The following ANK1 variants were observed in gnomAD, a reference collection of about 807,000 sequenced individuals.
ANK1 encodes ankyrin 1.
Under a neutral mutation model 210.4 loss-of-function variants are expected in ANK1, and 51 were observed. The ratio of observed to expected loss-of-function variants is 0.24; its 90% CI spans 0.19 to 0.31. The LOEUF (loss-of-function observed/expected upper bound fraction) is 0.31, where lower values mean the gene tolerates loss of function less well. Ranked by LOEUF, ANK1 falls within the 10% of genes least tolerant of loss-of-function variation. The pLI is 1.00. For missense variants in ANK1, 2,051 were observed against 2,504.4 expected (o/e 0.82, Z 3.86); for synonymous variants, 967 against 1,025.9 (o/e 0.94, Z 1.10).
chr8:41,808,144 G>A (rs929683376), intron 1 of ANK1, among the ~76,000 whole-genome samples: 5 of 152,124 alleles, frequency 3.3e-5, no homozygotes, highest in Non-Finnish European at 4.4e-5. Flanking sequence ...CCTCCTCTAT[G>A]AGTGCAGCAC....
chr8:41,839,389 C>T (rs1350812712), intron 1 of ANK1, among the ~76,000 whole-genome samples: 2 of 152,250 alleles, frequency 1.3e-5, no homozygotes, highest in African/African-American at 4.8e-5. Context: ...TATAAACCCA[C>T]TCTCCGCCCA....
At chr8:41,753,688 C>A (rs1162347851) in intron 2 of ANK1, among the ~76,000 whole-genome samples, 3 of 152,130 alleles carry the variant, frequency 2.0e-5, no homozygotes, top group Non-Finnish European at 4.4e-5. Context: ...CCATGCCCTC[C>A]TCCCGCCCTC....
At chr8:41,663,291 C>A (rs1455404230) in intron 40 of ANK1, among the ~76,000 whole-genome samples, 1 of 152,066 alleles carries the variant, frequency 6.6e-6, no homozygotes, top group Admixed American at 6.5e-5. Flanking sequence ...GGCCCACATT[C>A]TTTTTATTTG....
At chr8:41,668,244 C>A (rs756450752) in intron 39 of ANK1, 23 bp downstream of exon 39, 2 of 1,613,954 alleles carry the variant, frequency 1.2e-6, no homozygotes, top group East Asian at 4.5e-5. Flanking sequence ...AACAGCAGCA[C>A]GCAGCTCCCC....
At chr8:41,677,757 T>C (rs1422212801) in intron 37 of ANK1, among the ~76,000 whole-genome samples, 2 of 151,884 alleles carry the variant, frequency 1.3e-5, no homozygotes, top group African/African-American at 2.4e-5. Context: ...ACACGGCTAA[T>C]TTTTGTATTT....
intron 16 of ANK1, among the ~76,000 whole-genome samples, chr8:41,712,455 G>A (rs12235008): frequency 0.011 from 1,676 of 152,266 alleles, 26 homozygotes; most frequent in African/African-American, 0.039. Context: ...CTCAGAACAC[G>A]GACTGCCCCT....
At chr8:41,801,940 T>C (rs1267894571), upstream of ANK1, among the ~76,000 whole-genome samples, 2 of 152,356 alleles carry the variant, frequency 1.3e-5, no homozygotes, top group Middle Eastern at 3.4e-3. Flanking sequence ...CCTGAGCTTA[T>C]ACAATTTTTT....
At chr8:41,859,004 C>G (rs1207921768) in intron 1 of ANK1, among the ~76,000 whole-genome samples, 1 of 152,152 alleles carries the variant, frequency 6.6e-6, no homozygotes, top group Non-Finnish European at 1.5e-5. Flanking sequence ...CCTCCCAGGA[C>G]TATTAGTTGC....
intron 1 of ANK1, among the ~76,000 whole-genome samples, chr8:41,841,591 C>T (rs543236222): frequency 1.3e-5 from 2 of 152,232 alleles, no homozygotes; most frequent in East Asian, 1.9e-4. Flanking sequence ...TACAAGGACA[C>T]CTTTGGAAGT....
Position 41,715,645 on chromosome 8 carries a change from G to A in ANK1, c.1602+7C>T. 1 of 1,612,806 alleles carries A rather than the reference G, an allele frequency of 6.2e-7. No homozygotes were observed. The highest frequency in any genetic ancestry group is 1.1e-5 in the South Asian group (1 of 91,026). ...GCTTCCTTAGACCACGAGGCGGGAG[G>A]CTGTACCTTGGTCATGCAGGCCTGG... On this transcript the variant is annotated splice_region_variant and intron_variant, in intron 14 of 42. Transcript: ENST00000289734.
chr8:41,747,588 G>A (rs953594846), intron 2 of ANK1, among the ~76,000 whole-genome samples: 1 of 152,166 alleles, frequency 6.6e-6, no homozygotes, highest in Non-Finnish European at 1.5e-5. Context: ...GGAGCCTGGT[G>A]CATAAGGTTT....
At chr8:41,715,993 T>C (rs1443976335) in intron 13 of ANK1, 144 bp from the exon 14 acceptor site, 1 of 974,196 alleles carries the variant, frequency 1.0e-6, no homozygotes. Context: ...AGAGTCAGGA[T>C]TCGAATCAAG....
chr8:41,880,839 T>A (rs988216448), intron 1 of ANK1, among the ~76,000 whole-genome samples: 10 of 152,254 alleles, frequency 6.6e-5, no homozygotes, highest in African/African-American at 2.4e-4. Context: ...TTTAGCACTC[T>A]GCACCAGCAG....
chr8:41,777,192 G>A (rs369226199), intron 1 of ANK1, among the ~76,000 whole-genome samples: 15 of 152,286 alleles, frequency 9.8e-5, no homozygotes, highest in African/African-American at 3.4e-4. Context: ...GGAATCCTAA[G>A]GTATGTCTCT....
chr8:41,786,412 CA>C (rs751598991), intron 1 of ANK1, among the ~76,000 whole-genome samples: 4 of 152,180 alleles, frequency 2.6e-5, no homozygotes, highest in Non-Finnish European at 5.9e-5. Flanking sequence ...AAGAAATAAA[CA>C]AAATTAGATG....
intron 1 of ANK1, among the ~76,000 whole-genome samples, chr8:41,868,128 G>A (rs939114664): frequency 6.6e-6 from 1 of 152,218 alleles, no homozygotes; most frequent in African/African-American, 2.4e-5. Context: ...CGAAGTGCTG[G>A]AATTACAGGC....
intron 23 of ANK1, 128 bp downstream of exon 23, chr8:41,699,324 C>A (rs57017888): frequency 1.1e-6 from 1 of 881,684 alleles, no homozygotes; most frequent in Admixed American, 1.8e-5. Flanking sequence ...AGGTGCAAAC[C>A]GTCTCTCTCT....
upstream of ANK1, among the ~76,000 whole-genome samples, chr8:41,799,737 C>G (rs1301361250): frequency 6.6e-6 from 1 of 152,170 alleles, no homozygotes; most frequent in African/African-American, 2.4e-5. Flanking sequence ...AGAACTAGGT[C>G]ACCCCAGGCA....
intron 1 of ANK1, among the ~76,000 whole-genome samples, chr8:41,849,546 A>T (rs1274660978): frequency 1.3e-5 from 2 of 151,624 alleles, no homozygotes; most frequent in Non-Finnish European, 2.9e-5. Context: ...GTAGTCATTT[A>T]TCAGGAGTTC....
Sources: gnomAD v4.1 joint callset for allele counts (sites outside exome capture counted in the v4.1 genomes callset) on GRCh38, gnomAD v4.1.1 for gene constraint, MANE v1.5 for transcripts, NCBI Gene and HGNC (gene_info 2026-07-23, HGNC 2026-07-21) for gene names.